The following SORT1 variants were observed in gnomAD, a reference collection of about 807,000 sequenced individuals.
The protein encoded by SORT1 is sortilin.
SORT1 carries 39 observed loss-of-function variants against 101.7 expected under a neutral mutation model. The observed-to-expected ratio is 0.38, with a 90% CI of 0.30 to 0.50. The LOEUF (loss-of-function observed/expected upper bound fraction) is 0.50. Among genes scored for constraint, SORT1 ranks in the 20% least tolerant of loss-of-function variants. SORT1 has a pLI of 0.90. For missense variants in SORT1, 878 were observed against 1,040.4 expected (o/e 0.84, Z 2.15); for synonymous variants, 396 against 393.7 (o/e 1.01, Z -0.07).
chr1:109,341,980 T>C, intron 9 of SORT1, 34 bp downstream of exon 9: 1 of 1,593,120 alleles, frequency 6.3e-7, no homozygotes, highest in Non-Finnish European at 8.6e-7. Flanking sequence ...TACATCTCTA[T>C]GCTTTTAAGG....
rs953893263 is a variant in SORT1, at chr1:109,312,528, A to C, written c.*1515T>G. The C allele has an allele frequency of 4.9e-5, 7 of 143,148 alleles. No individual in the cohort carries two copies. Among genetic ancestry groups the C allele is most frequent in the Non-Finnish European group, 1.1e-4 (7 of 64,520 alleles). The allele number at this position is 143,148 out of a possible 1,614,324, so 8.9% of individuals were successfully genotyped here. The stretch of plus-strand genomic sequence containing the variant: ...GCACTTCAAATAAAAAAAAAAAAAA[A>C]CACACAAAACTGACTTTCTAGCCAC... On this transcript the variant is annotated 3_prime_UTR_variant, in exon 20 of 20. Transcript: ENST00000256637.
intron 7 of SORT1, among the ~76,000 whole-genome samples, chr1:109,346,388 G>C (rs1380247756): frequency 6.6e-6 from 1 of 150,986 alleles, no homozygotes; most frequent in Non-Finnish European, 1.5e-5. Flanking sequence ...ATACATTTCA[G>C]ATTTTATGCT....
rs538135018 is a variant in SORT1, at chr1:109,383,542, A to G, written c.307-13953T>C. ...CTGGTTGGGAAGGTAAGCACAAATCATCTTATCTGTTGGGAATCCATTTCC... is the reference window on the plus strand; with the variant it reads ...CTGGTTGGGAAGGTAAGCACAAATCGTCTTATCTGTTGGGAATCCATTTCC... On this transcript the variant is annotated intron_variant, in intron 1 of 19. Coordinates refer to ENST00000256637, the MANE Select transcript of SORT1 (RefSeq NM_002959.7). 2.0e-5 allele frequency among the ~76,000 whole-genome samples: 3 copies of G among 152,342 alleles called. No homozygotes were observed. The South Asian group carries it at 6.2e-4, about 32-fold the overall frequency.
chr1:109,327,088 G>A lies in SORT1; in HGVS notation c.1547C>T (p.Thr516Ile). ...ATAGTGGGGTCCTTCCAGCATCTTT[G>A]TCCAGGAGTAACCCCCATCATCTGA... is the stretch of plus-strand genomic sequence containing the variant. ...YISDDGGYSWTKMLEGPHYYT... is the reference protein window; with the variant it reads ...YISDDGGYSWIKMLEGPHYYT... The change falls in exon 13 of 20, where the codon ACA becomes ATA. Residue 516 changes from threonine (T) to isoleucine (I), a missense_variant. Coordinates refer to ENST00000256637, the MANE Select transcript of SORT1 (RefSeq NM_002959.7). 6.2e-7 allele frequency: 1 copy of A among 1,613,076 alleles called. No individual in the cohort carries two copies. Among genetic ancestry groups the A allele is most frequent in the Non-Finnish European group, 8.5e-7 (1 of 1,179,634 alleles).
At chr1:109,360,000 C>T (rs896720725) in intron 3 of SORT1, among the ~76,000 whole-genome samples, 8 of 152,052 alleles carry the variant, frequency 5.3e-5, no homozygotes, top group African/African-American at 1.9e-4. Context: ...ATAGACATTT[C>T]CATTCCAAAA....
intron 10 of SORT1, among the ~76,000 whole-genome samples, chr1:109,337,399 G>A (rs537236132): frequency 7.9e-5 from 12 of 151,340 alleles, no homozygotes; most frequent in Middle Eastern, 3.5e-3. Context: ...GGCACCTGCC[G>A]CCTGGCTAAT....
At chr1:109,351,127 C>G (rs1192127500) in intron 5 of SORT1, 125 bp from the exon 6 acceptor site, 11 of 739,154 alleles carry the variant, frequency 1.5e-5, no homozygotes, top group Admixed American at 2.0e-5. Context: ...TCCATCAGAG[C>G]TGCCCGAGCT....
chr1:109,326,744 C>A (rs957523809), intron 13 of SORT1: 2 of 303,712 alleles, frequency 6.6e-6, no homozygotes, highest in African/African-American at 4.4e-5. Flanking sequence ...GCATGAGCCA[C>A]TGCGCCCAAC....
At chr1:109,367,526 A>C (rs1651175812) in intron 2 of SORT1, 45 bp from the exon 3 acceptor site, 7 of 1,226,236 alleles carry the variant, frequency 5.7e-6, no homozygotes, top group Non-Finnish European at 8.4e-6. Flanking sequence ...AGATATTCCA[A>C]TCACATGCTG....
At chr1:109,370,986 C>T (rs894472298) in intron 1 of SORT1, among the ~76,000 whole-genome samples, 10 of 152,214 alleles carry the variant, frequency 6.6e-5, no homozygotes, top group East Asian at 1.9e-4. Context: ...TGTTTATCTT[C>T]GAATTTTCTC....
intron 3 of SORT1, among the ~76,000 whole-genome samples, chr1:109,360,308 C>G (rs2101613891): frequency 6.6e-6 from 1 of 152,242 alleles, no homozygotes; most frequent in Admixed American, 6.5e-5. Context: ...TGCACTCCAG[C>G]CTGGGCAACA....
chr1:109,325,231 CTTTTTTTTTTT>C (rs35552184), intron 13 of SORT1, 142 bp from the exon 14 acceptor site: 6 of 190,568 alleles, frequency 3.1e-5, no homozygotes, highest in African/African-American at 7.4e-5. Context: ...ATTATTTTAA[CTTTTTTTTTTT>C]TTTTTTTTTT....
chr1:109,327,547 T>C lies in SORT1; in HGVS notation c.1426A>G (p.Met476Val), dbSNP rs751543833. 5.0e-6 allele frequency: 8 copies of C among 1,612,314 alleles called. No individual in the cohort carries two copies. Among genetic ancestry groups the C allele is most frequent in the East Asian group, 2.2e-5 (1 of 44,722 alleles). ...YSISQKLNVP[M>V]APLSEPNAVG... ...GCATTCGGCTCTGAGAGTGGGGCCA[T>C]TGGAACATTCAGTTTCTGGGAGATG... Residue 476 changes from methionine to valine, a missense_variant, in exon 12 of 20, where the codon ATG (methionine) becomes GTG (valine). Met to Val is a conservative substitution (Grantham distance 21). Coordinates refer to ENST00000256637, the MANE Select transcript of SORT1 (RefSeq NM_002959.7).
chr1:109,382,584 A>G (rs1257873390), intron 1 of SORT1, among the ~76,000 whole-genome samples: 2 of 152,184 alleles, frequency 1.3e-5, no homozygotes, highest in Non-Finnish European at 2.9e-5. Context: ...TTAATGACTG[A>G]TAACACTAAA....
chr1:109,317,818 C>G (rs530818700), intron 16 of SORT1, 35 bp downstream of exon 16: 1 of 1,301,758 alleles, frequency 7.7e-7, no homozygotes, highest in African/African-American at 1.5e-5. Flanking sequence ...AAGAACACCT[C>G]ATCCATCGTG....
chr1:109,342,270 C>A (rs1350898930), intron 8 of SORT1, 112 bp from the exon 9 acceptor site: 1 of 802,532 alleles, frequency 1.2e-6, no homozygotes, highest in East Asian at 2.7e-5. Flanking sequence ...CTACTGGGTA[C>A]GATTGCTATG....
rs535435328 is a variant in SORT1 at position 109,355,601 on chromosome 1, C to T, written c.441-132G>A. On this transcript the variant is annotated intron_variant, in intron 3 of 19. Coordinates refer to ENST00000256637, the MANE Select transcript of SORT1 (RefSeq NM_002959.7). The stretch of plus-strand genomic sequence containing the variant: ...CGGCTCACCCTGAATAGCCACATTC[C>T]TAGCTCCAGAGGTGCCCTGGTGAGT... 5.9e-4 allele frequency: 330 copies of T among 560,454 alleles called. 1 individual carries two copies. The highest frequency in any genetic ancestry group is 5.4e-3 in the African/African-American group (288 of 52,984). 34.7% of individuals were successfully genotyped at this position (560,454 alleles called of 1,614,324 possible).
rs904791892 is a variant in SORT1, at chr1:109,371,027, G to A, written c.307-1438C>T. 3.9e-5 allele frequency among the ~76,000 whole-genome samples: 6 copies of A among 152,304 alleles called. No individual in the cohort carries two copies. In the East Asian group the frequency reaches 5.8e-4, roughly 15 times the overall value. On this transcript the variant is annotated intron_variant, in intron 1 of 19. Transcript: ENST00000256637. ...GTCTTGAATGGGCTTCCGAATTCAC[G>A]TATGTGATTTCCCCTCTGGACCGTA...
chr1:109,382,039 ATATAAG>A (rs1652279885), intron 1 of SORT1, among the ~76,000 whole-genome samples: 1 of 152,062 alleles, frequency 6.6e-6, no homozygotes, highest in South Asian at 2.1e-4. Context: ...AAATAAAACT[ATATAAG>A]TAAGCTATTT....
Sources: gnomAD v4.1 joint callset for allele counts (sites outside exome capture counted in the v4.1 genomes callset) on GRCh38, gnomAD v4.1.1 for gene constraint, MANE v1.5 for transcripts, NCBI Gene and HGNC (gene_info 2026-07-23, HGNC 2026-07-21) for gene names.